EDA: variants seen among roughly 807,000 people sequenced by gnomAD.
EDA encodes ectodysplasin-A.
In EDA, 2 loss-of-function variants were observed where a neutral mutation model predicts 23.6. That is an observed-to-expected ratio of 0.08 (90% confidence interval 0.03 to 0.27). EDA has a LOEUF of 0.27. EDA is among the 10% of genes least tolerant of loss of function. EDA has a pLI of 1.00. For missense variants in EDA, 229 were observed against 324.2 expected (o/e 0.71, Z 2.26); for synonymous variants, 131 against 132.0 (o/e 0.99, Z 0.05).
At chrX:69,829,692 A>G (rs2016558992) in intron 1 of EDA, among the ~76,000 whole-genome samples, 1 of 112,030 alleles carries the variant, frequency 8.9e-6, no homozygotes. Context: ...TGAAACCATT[A>G]TCAAAGTGAT....
At chrX:69,939,570 C>T (rs907951713) in intron 1 of EDA, among the ~76,000 whole-genome samples, 1 of 110,970 alleles carries the variant, frequency 9.0e-6, no homozygotes, top group Non-Finnish European at 1.9e-5. Context: ...ATTTGGATGC[C>T]CTTTATATCT....
chrX:69,930,680 A>G (rs2018586076), intron 1 of EDA, among the ~76,000 whole-genome samples: 1 of 111,007 alleles, frequency 9.0e-6, no homozygotes, highest in Non-Finnish European at 1.9e-5. Flanking sequence ...CTAGCCAGTG[A>G]AATAAGGAAG....
intron 1 of EDA, among the ~76,000 whole-genome samples, chrX:69,825,806 A>T (rs370668946): frequency 9.0e-6 from 1 of 111,022 alleles, no homozygotes; most frequent in Non-Finnish European, 1.9e-5. Flanking sequence ...GTCAATTCTG[A>T]ATCTTTCCTG....
intron 1 of EDA, among the ~76,000 whole-genome samples, chrX:69,734,431 T>TA (rs998600285): frequency 1.5e-4 from 17 of 111,700 alleles, no homozygotes; most frequent in African/African-American, 5.5e-4. Flanking sequence ...AAACATTTTT[T>TA]ATTGATTTCC....
intron 2 of EDA, among the ~76,000 whole-genome samples, chrX:69,962,820 C>T (rs1440437074): frequency 8.9e-6 from 1 of 112,125 alleles, no homozygotes; most frequent in Admixed American, 9.5e-5. Context: ...GCATTTGGGG[C>T]ATTCACATTC....
chrX:69,900,161 C>T (rs1170010848), intron 1 of EDA, among the ~76,000 whole-genome samples: 7 of 110,028 alleles, frequency 6.4e-5, no homozygotes, highest in African/African-American at 2.3e-4. Context: ...TCATTCTTGT[C>T]ATAATCAGCA....
At chrX:69,996,822 G>A (rs1252201540) in intron 2 of EDA, among the ~76,000 whole-genome samples, 2 of 112,022 alleles carry the variant, frequency 1.8e-5, no homozygotes, top group African/African-American at 6.5e-5. Context: ...TCTCATGATA[G>A]TGAATAAGTC....
chrX:69,875,488 G>A (rs2017629159), intron 1 of EDA, among the ~76,000 whole-genome samples: 1 of 111,795 alleles, frequency 8.9e-6, no homozygotes, highest in Admixed American at 9.5e-5. Flanking sequence ...AACTCAAGAT[G>A]GATCAAGGAC....
At chrX:69,622,695 T>C (rs1194992988) in intron 1 of EDA, among the ~76,000 whole-genome samples, 1 of 112,148 alleles carries the variant, frequency 8.9e-6, no homozygotes, top group African/African-American at 3.2e-5. Context: ...AAGTTTTTAA[T>C]TTTAATGTGT....
At chrX:69,861,090 A>C (rs2017376173) in intron 1 of EDA, 1 of 406,675 alleles carries the variant, frequency 2.5e-6, no homozygotes, top group Non-Finnish European at 4.4e-6. Flanking sequence ...ATAGATCCTC[A>C]CCAAGGAAAC....
intron 1 of EDA, among the ~76,000 whole-genome samples, chrX:69,798,819 A>C (rs5936752): frequency 0.26 from 28,589 of 110,405 alleles, 2,813 homozygotes; most frequent in African/African-American, 0.31. Context: ...AAAAATACAA[A>C]GGATCAATAA....
intron 1 of EDA, among the ~76,000 whole-genome samples, chrX:69,758,572 G>A (rs1035794551): frequency 1.8e-5 from 2 of 112,462 alleles, no homozygotes; most frequent in African/African-American, 3.2e-5. Context: ...GGTGGCTCAC[G>A]CCTGTAATCC....
At chrX:69,979,452 T>C (rs1398341521) in intron 2 of EDA, among the ~76,000 whole-genome samples, 1 of 112,184 alleles carries the variant, frequency 8.9e-6, no homozygotes, top group Non-Finnish European at 1.9e-5. Context: ...TTGTGTCAGC[T>C]TTTTAAGGAA....
At chrX:69,689,395 A>G (rs914982888) in intron 1 of EDA, among the ~76,000 whole-genome samples, 3 of 107,696 alleles carry the variant, frequency 2.8e-5, no homozygotes, top group Non-Finnish European at 5.8e-5. Context: ...TCCTGGGTTC[A>G]AGCGAGTCTC....
chrX:70,007,514 T>G (rs2019818589), intron 2 of EDA, among the ~76,000 whole-genome samples: 1 of 111,728 alleles, frequency 9.0e-6, no homozygotes, highest in African/African-American at 3.3e-5. Flanking sequence ...GACATGCCTG[T>G]TTTGCCTTCT....
At chrX:69,663,735 C>A (rs1952276) in intron 1 of EDA, among the ~76,000 whole-genome samples, 1 of 110,950 alleles carries the variant, frequency 9.0e-6, no homozygotes, top group Non-Finnish European at 1.9e-5. Context: ...CTCAACGCCA[C>A]CCTGTTAAAG....
chrX:69,631,875 G>T (rs560264517), intron 1 of EDA, among the ~76,000 whole-genome samples: 1 of 111,704 alleles, frequency 9.0e-6, no homozygotes, highest in African/African-American at 3.3e-5. Flanking sequence ...CTGGGCAGTG[G>T]TTAGCAGCAT....
At chrX:69,666,592 C>T (rs1250058958) in intron 1 of EDA, among the ~76,000 whole-genome samples, 13 of 112,368 alleles carry the variant, frequency 1.2e-4, no homozygotes, top group Non-Finnish European at 1.9e-5. Flanking sequence ...TCATATGTAT[C>T]ACATGGATTG....
chrX:69,720,487 C>T (rs907403731), intron 1 of EDA, among the ~76,000 whole-genome samples: 1 of 111,294 alleles, frequency 9.0e-6, no homozygotes, highest in African/African-American at 3.3e-5. Context: ...CTTTCTGGGA[C>T]TCCAATGATA....
Sources: allele counts gnomAD v4.1 joint callset (sites outside exome capture counted in the v4.1 genomes callset), GRCh38; gene constraint gnomAD v4.1.1; transcripts MANE v1.5; gene names NCBI Gene and HGNC (gene_info 2026-07-23, HGNC 2026-07-21).